Variants in EPHA3 observed in about 807,000 individuals in gnomAD.
EPHA3 encodes EPH receptor A3.
Under a neutral mutation model 107.1 loss-of-function variants are expected in EPHA3, and 42 were observed. The observed-to-expected ratio is 0.39, with a 90% CI of 0.31 to 0.51. The LOEUF (loss-of-function observed/expected upper bound fraction) is 0.51. Ranked by LOEUF, EPHA3 falls within the 20% of genes least tolerant of loss-of-function variation. The probability of loss-of-function intolerance (pLI) is 0.78; values close to 1 mark genes in which losing one functional copy is unlikely to be tolerated. For synonymous variants in EPHA3, 461 were observed against 424.8 expected, an observed-to-expected ratio of 1.09 and a Z score of -1.05; for missense variants, 1,183 against 1,211.2, an observed-to-expected ratio of 0.98 and a Z score of 0.35.
In EPHA3 at chr3:89,210,354, A is replaced by T; in HGVS notation, c.648A>T (p.Val216=). ...VKNLAMFPDT[V]PMDSQSLVEV... Reference sequence around the variant, plus strand: ...ATCTGGCTATGTTTCCAGACACGGTACCCATGGACTCCCAGTCCCTGGTGG... The same window carrying T: ...ATCTGGCTATGTTTCCAGACACGGTTCCCATGGACTCCCAGTCCCTGGTGG... Residue 216 remains valine, a synonymous_variant, in exon 3 of 17, where the codon GTA becomes GTT. Transcript: ENST00000336596. The T allele has an allele frequency of 1.9e-6, 3 of 1,613,756 alleles. No homozygotes were observed. The highest frequency in any genetic ancestry group is 2.5e-6 in the Non-Finnish European group (3 of 1,179,856).
chr3:89,112,266 T>C lies in EPHA3; in HGVS notation c.88+4430T>C, dbSNP rs557154103. Among the ~76,000 whole-genome samples, 18 of 152,180 alleles carry C rather than the reference T, an allele frequency of 1.2e-4. 1 individual carries two copies. The South Asian group carries it at 3.5e-3, about 30-fold the overall frequency. The stretch of plus-strand genomic sequence containing the variant: ...GAGAGTTATTTTTAACATTTTTTAG[T>C]AGGTTTAGGAAGTTTTTGGTAAAGT... On this transcript the variant is annotated intron_variant, in intron 1 of 16. Transcript: ENST00000336596.
chr3:89,439,470 T>C (rs1414665302), intron 13 of EPHA3, among the ~76,000 whole-genome samples: 3 of 152,058 alleles, frequency 2.0e-5, no homozygotes, highest in Non-Finnish European at 2.9e-5. Context: ...AAACAATTAT[T>C]AGAATGAATT....
intron 12 of EPHA3, among the ~76,000 whole-genome samples, chr3:89,430,760 AAAG>A (rs1363565611): frequency 1.3e-5 from 2 of 152,184 alleles, no homozygotes; most frequent in African/African-American, 4.8e-5. Flanking sequence ...ATCAGGAAAC[AAAG>A]AAGGGGAAAT....
intron 2 of EPHA3, among the ~76,000 whole-genome samples, chr3:89,184,689 T>C (rs1198304724): frequency 6.6e-6 from 1 of 152,036 alleles, no homozygotes; most frequent in Non-Finnish European, 1.5e-5. Flanking sequence ...TTGTGATTGT[T>C]AAAACAAAAG....
chr3:89,216,305 G>A (rs927912659), intron 3 of EPHA3, among the ~76,000 whole-genome samples: 9 of 151,866 alleles, frequency 5.9e-5, no homozygotes, highest in African/African-American at 1.9e-4. Flanking sequence ...TCAGTTTTCT[G>A]TCCAAAGGAA....
At chr3:89,314,931 C>T (rs1397720232) in intron 3 of EPHA3, among the ~76,000 whole-genome samples, 1 of 151,916 alleles carries the variant, frequency 6.6e-6, no homozygotes, top group Non-Finnish European at 1.5e-5. Flanking sequence ...GATAGTATAG[C>T]TTACCACATA....
At chr3:89,315,808 T>C (rs1364742561) in intron 3 of EPHA3, among the ~76,000 whole-genome samples, 1 of 151,896 alleles carries the variant, frequency 6.6e-6, no homozygotes, top group Non-Finnish European at 1.5e-5. Flanking sequence ...AGAAAAGGGA[T>C]TTATTCTTAT....
chr3:89,421,612 A>G (rs1709354983), intron 11 of EPHA3, among the ~76,000 whole-genome samples: 2 of 151,292 alleles, frequency 1.3e-5, no homozygotes, highest in South Asian at 4.2e-4. Context: ...TAAGCTTACT[A>G]ATAAACTCAC....
At chr3:89,223,482 C>T (rs901660949) in intron 3 of EPHA3, among the ~76,000 whole-genome samples, 1 of 152,184 alleles carries the variant, frequency 6.6e-6, no homozygotes, top group African/African-American at 2.4e-5. Context: ...AGTCGCCAGG[C>T]TCATGCTGTA....
intron 2 of EPHA3, among the ~76,000 whole-genome samples, chr3:89,130,486 G>C (rs1240709437): frequency 6.6e-6 from 1 of 152,090 alleles, no homozygotes; most frequent in Non-Finnish European, 1.5e-5. Flanking sequence ...AACATATTTG[G>C]AGAAAAATGG....
chr3:89,299,034 G>T (rs1188353788), intron 3 of EPHA3, among the ~76,000 whole-genome samples: 1 of 152,000 alleles, frequency 6.6e-6, no homozygotes, highest in Non-Finnish European at 1.5e-5. Flanking sequence ...TTAATGAAGA[G>T]ATTATTTTAT....
intron 2 of EPHA3, among the ~76,000 whole-genome samples, chr3:89,194,475 G>A (rs1705789712): frequency 6.6e-6 from 1 of 151,964 alleles, no homozygotes; most frequent in Admixed American, 6.6e-5. Flanking sequence ...TTTGACATTG[G>A]ATGTGTTTCT....
At position 89,340,962 on chromosome 3, in the gene EPHA3, T is replaced by C. The variant is rs1707505841; in HGVS notation, c.861T>C (p.Cys287=). Residue 287 remains cysteine, a synonymous_variant, in exon 4 of 17, where the codon TGT becomes TGC. Coordinates refer to ENST00000336596, the MANE Select transcript of EPHA3 (RefSeq NM_005233.6). ...AGGCATTGGATGGTAATATGAAGTG[T>C]GCTAAGTGCCCGCCTCACAGTTCTA... ...FYKALDGNMK[C]AKCPPHSSTQ... The C allele has an allele frequency of 6.2e-7, 1 of 1,614,058 alleles. No homozygotes were observed. Among genetic ancestry groups the C allele is most frequent in the African/African-American group, 1.3e-5 (1 of 74,932 alleles).
chr3:89,334,864 C>A (rs892511411), intron 3 of EPHA3, among the ~76,000 whole-genome samples: 1 of 152,172 alleles, frequency 6.6e-6, no homozygotes, highest in Non-Finnish European at 1.5e-5. Context: ...CATGCCATTT[C>A]CCGCTTCCTA....
chr3:89,320,472 C>T (rs1480302844), intron 3 of EPHA3, among the ~76,000 whole-genome samples: 1 of 152,008 alleles, frequency 6.6e-6, no homozygotes, highest in Non-Finnish European at 1.5e-5. Context: ...TTAGGGGAAA[C>T]ATATTCTCCA....
chr3:89,261,660 A>G (rs745846513), intron 3 of EPHA3, among the ~76,000 whole-genome samples: 16 of 152,158 alleles, frequency 1.1e-4, no homozygotes, highest in Non-Finnish European at 2.1e-4. Context: ...GGATGCTATT[A>G]GAGCATGTAC....
intron 2 of EPHA3, among the ~76,000 whole-genome samples, chr3:89,166,217 T>C (rs1705060512): frequency 6.6e-6 from 1 of 152,160 alleles, no homozygotes; most frequent in Non-Finnish European, 1.5e-5. Context: ...CATTCTTCGT[T>C]TATCTTCTTC....
chr3:89,351,129 C>G (rs1364466322), intron 5 of EPHA3, among the ~76,000 whole-genome samples: 1 of 151,300 alleles, frequency 6.6e-6, no homozygotes, highest in Non-Finnish European at 1.5e-5. Flanking sequence ...ACTCCTTGAA[C>G]TGTGGTGGGC....
At chr3:89,399,738 T>TTG (rs562459635) in intron 7 of EPHA3, 280,883 of 1,180,166 alleles carry the variant, frequency 0.24, 30,501 homozygotes, top group Non-Finnish European at 0.26. Flanking sequence ...TTTTTTTTTT[T>TTG]AGCCATAAAT....
Sources: allele counts gnomAD v4.1 joint callset (sites outside exome capture counted in the v4.1 genomes callset), GRCh38; gene constraint gnomAD v4.1.1; transcripts MANE v1.5; gene names NCBI Gene and HGNC (gene_info 2026-07-23, HGNC 2026-07-21).